Variants in ARHGAP42 observed in about 807,000 individuals in gnomAD.
ARHGAP42 encodes the protein rho GTPase-activating protein 42.
In ARHGAP42, 63 loss-of-function variants were observed where a neutral mutation model predicts 125.0. The ratio of observed to expected loss-of-function variants is 0.50; its 90% CI spans 0.41 to 0.62. The LOEUF (loss-of-function observed/expected upper bound fraction) is 0.62, where lower values mean the gene tolerates loss of function less well. ARHGAP42 is among the 20% of genes least tolerant of loss of function. The pLI is 0.00. For missense variants in ARHGAP42, 766 were observed against 1,024.2 expected, an observed-to-expected ratio of 0.75 and a Z score of 3.44; for synonymous variants, 339 against 351.0, an observed-to-expected ratio of 0.97 and a Z score of 0.38.
chr11:100,898,614 C>T (rs1237139530), intron 4 of ARHGAP42, among the ~76,000 whole-genome samples: 3 of 151,982 alleles, frequency 2.0e-5, no homozygotes, highest in Non-Finnish European at 4.4e-5. Flanking sequence ...TTTTGATTTT[C>T]TAGTTTATTT....
chr11:100,877,587 G>T (rs1238629700), intron 4 of ARHGAP42, among the ~76,000 whole-genome samples: 1 of 152,204 alleles, frequency 6.6e-6, no homozygotes, highest in Non-Finnish European at 1.5e-5. Flanking sequence ...TGGCTTTCCA[G>T]AGATTCAGTT....
Position 100,974,614 on chromosome 11 carries a change from C to G in ARHGAP42, c.1855+11C>G. 1.3e-6 allele frequency: 2 copies of G among 1,548,170 alleles called. No individual in the cohort carries two copies. The highest frequency in any genetic ancestry group is 1.7e-6 in the Non-Finnish European group (2 of 1,144,996). On this transcript the variant is annotated intron_variant, in intron 19 of 23. Coordinates refer to ENST00000298815, the MANE Select transcript of ARHGAP42 (RefSeq NM_152432.4). Reference sequence around the variant, plus strand: ...TGGCCGAACCTGATAGTAAGTGCACCCGGCCTTAGGGAGATGCTTTCTTCA... The same window carrying G: ...TGGCCGAACCTGATAGTAAGTGCACGCGGCCTTAGGGAGATGCTTTCTTCA...
chr11:100,729,985 A>G (rs1271029009), intron 1 of ARHGAP42, among the ~76,000 whole-genome samples: 6 of 151,474 alleles, frequency 4.0e-5, no homozygotes, highest in African/African-American at 4.9e-5. Flanking sequence ...TAATTTTTGT[A>G]TTTTTAGTAG....
At chr11:100,783,938 G>A (rs1863373204) in intron 2 of ARHGAP42, among the ~76,000 whole-genome samples, 1 of 152,082 alleles carries the variant, frequency 6.6e-6, no homozygotes, top group Non-Finnish European at 1.5e-5. Context: ...TAGAAGGGGG[G>A]TCAAAAAATA....
chr11:100,820,693 CCT>C lies in ARHGAP42; in HGVS notation c.312+25532_312+25533del, dbSNP rs958287487. Among the ~76,000 whole-genome samples the C allele has an allele frequency of 4.5e-4, 68 of 152,074 alleles. 1 individual carries two copies. Among genetic ancestry groups the C allele is most frequent in the African/African-American group, 1.6e-3 (65 of 41,502 alleles). ...GACCCTGTTTGTCTGTGTATTTATA[CCT>C]CTCTATATAAACAGATACTTGGGAT... On this transcript the variant is annotated intron_variant, in intron 3 of 23. Transcript: ENST00000298815.
rs1864940954 is a variant in ARHGAP42, at chr11:100,841,288, A to G, written c.313-18266A>G. Among the ~76,000 whole-genome samples, 3 of 152,226 alleles carry G rather than the reference A, an allele frequency of 2.0e-5. No individual in the cohort carries two copies. In the South Asian group the frequency reaches 6.2e-4, roughly 32 times the overall value. Reference sequence around the variant, plus strand: ...TGGATTTACTTGTTGAGTTATTGACAGTTAATACCAAAGGGGTTTTTCCAG... The same window carrying G: ...TGGATTTACTTGTTGAGTTATTGACGGTTAATACCAAAGGGGTTTTTCCAG... On this transcript the variant is annotated intron_variant, in intron 3 of 23. Transcript: ENST00000298815.
chr11:100,950,650 A>G (rs1278991560), intron 12 of ARHGAP42, among the ~76,000 whole-genome samples: 1 of 151,984 alleles, frequency 6.6e-6, no homozygotes, highest in Non-Finnish European at 1.5e-5. Context: ...ATTACCTGCC[A>G]ACTTCTTGCT....
At chr11:100,903,077 C>G (rs1866596896) in intron 4 of ARHGAP42, among the ~76,000 whole-genome samples, 1 of 141,756 alleles carries the variant, frequency 7.1e-6, no homozygotes, top group African/African-American at 2.7e-5. Context: ...CCTTCCTTGT[C>G]TCACATCTCT....
At chr11:100,725,401 C>T (rs1861837030) in intron 1 of ARHGAP42, among the ~76,000 whole-genome samples, 3 of 151,664 alleles carry the variant, frequency 2.0e-5, no homozygotes. Context: ...GAACTCCTGA[C>T]CTTGTGATCT....
At chr11:100,883,986 G>A (rs926211143) in intron 4 of ARHGAP42, among the ~76,000 whole-genome samples, 1 of 152,196 alleles carries the variant, frequency 6.6e-6, no homozygotes, top group African/African-American at 2.4e-5. Flanking sequence ...ACAACAGTCT[G>A]TGCATGGTGT....
At chr11:100,726,237 A>G (rs1387020618) in intron 1 of ARHGAP42, among the ~76,000 whole-genome samples, 1 of 152,232 alleles carries the variant, frequency 6.6e-6, no homozygotes, top group East Asian at 1.9e-4. Flanking sequence ...TGCCCTTTTC[A>G]GAAAGTAATC....
At chr11:100,760,980 G>A (rs971250273) in intron 1 of ARHGAP42, among the ~76,000 whole-genome samples, 9 of 152,174 alleles carry the variant, frequency 5.9e-5, no homozygotes, top group African/African-American at 2.2e-4. Flanking sequence ...TTGGCAAACA[G>A]TGGGAAGTGA....
chr11:100,716,402 A>G (rs1176720275), intron 1 of ARHGAP42, among the ~76,000 whole-genome samples: 1 of 152,228 alleles, frequency 6.6e-6, no homozygotes. Flanking sequence ...CAAAACAACC[A>G]GTGGATTCCG....
chr11:100,700,655 G>A lies in ARHGAP42; in HGVS notation c.154+12823G>A, dbSNP rs774254066. 5.9e-4 allele frequency among the ~76,000 whole-genome samples: 90 copies of A among 152,262 alleles called. 1 individual carries two copies. The highest frequency in any genetic ancestry group is 1.5e-3 in the African/African-American group (63 of 41,554). ...ATCTGTAAGAAGCAACTCTTCATTC[G>A]TTCAAGATTGATCATGAGATTGCAG... is the stretch of plus-strand genomic sequence containing the variant. On this transcript the variant is annotated intron_variant, in intron 1 of 23. Transcript: ENST00000298815.
At chr11:100,801,171 C>T (rs1863841974) in intron 3 of ARHGAP42, among the ~76,000 whole-genome samples, 1 of 152,074 alleles carries the variant, frequency 6.6e-6, no homozygotes, top group Non-Finnish European at 1.5e-5. Flanking sequence ...GATGCTCAAC[C>T]TGTATGTATA....
At chr11:100,954,108 C>G (rs1857738415) in intron 12 of ARHGAP42, among the ~76,000 whole-genome samples, 2 of 152,152 alleles carry the variant, frequency 1.3e-5, no homozygotes, top group Non-Finnish European at 2.9e-5. Context: ...TCTAGGCTTT[C>G]TTTCTCTGAC....
chr11:100,957,589 A>G (rs1857839276), intron 12 of ARHGAP42, among the ~76,000 whole-genome samples: 1 of 152,130 alleles, frequency 6.6e-6, no homozygotes, highest in South Asian at 2.1e-4. Context: ...AGGATGGTCA[A>G]AGGAAACAAA....
chr11:100,857,504 AC>A lies in ARHGAP42; in HGVS notation c.313-2049del. Among the ~76,000 whole-genome samples, 4 of 152,256 alleles carry A rather than the reference AC, an allele frequency of 2.6e-5. 1 individual carries two copies. Among genetic ancestry groups the A allele is most frequent in the Admixed American group, 2.6e-4 (4 of 15,270 alleles). ...ACAATCCTTTCCTTCCCAATAAAAA[AC>A]ATCCATTCATATTTATTAGTTCTGC... is the stretch of plus-strand genomic sequence containing the variant. On this transcript the variant is annotated intron_variant, in intron 3 of 23. Coordinates refer to ENST00000298815, the MANE Select transcript of ARHGAP42 (RefSeq NM_152432.4).
At chr11:100,819,738 A>G (rs1864360062) in intron 3 of ARHGAP42, among the ~76,000 whole-genome samples, 1 of 152,188 alleles carries the variant, frequency 6.6e-6, no homozygotes, top group Admixed American at 6.5e-5. Flanking sequence ...TAAGAGCCAC[A>G]TAATTATATG....
Sources: allele counts gnomAD v4.1 joint callset (sites outside exome capture counted in the v4.1 genomes callset), GRCh38; gene constraint gnomAD v4.1.1; transcripts MANE v1.5; gene names NCBI Gene and HGNC (gene_info 2026-07-23, HGNC 2026-07-21).